The following WDR7 variants were observed in gnomAD, a reference collection of about 807,000 sequenced individuals.
WDR7 encodes WD repeat domain 7.
A neutral mutation model predicts 169.4 loss-of-function variants in WDR7; 46 were observed. The observed-to-expected ratio is 0.27, with a 90% CI of 0.21 to 0.35. The LOEUF is 0.35. Ranked by LOEUF, WDR7 falls within the 10% of genes least tolerant of loss-of-function variation. WDR7 has a pLI of 1.00. For missense variants in WDR7, 1,534 were observed against 1,859.3 expected, an observed-to-expected ratio of 0.83 and a Z score of 3.22; for synonymous variants, 612 against 666.8, an observed-to-expected ratio of 0.92 and a Z score of 1.27.
chr18:56,901,624 T>G (rs1159676519), intron 21 of WDR7, among the ~76,000 whole-genome samples: 6 of 152,172 alleles, frequency 3.9e-5, no homozygotes, highest in African/African-American at 1.4e-4. Flanking sequence ...ATCACATCTT[T>G]GATTATAATG....
At chr18:56,867,024 T>C (rs2045891867) in intron 20 of WDR7, among the ~76,000 whole-genome samples, 1 of 151,958 alleles carries the variant, frequency 6.6e-6, no homozygotes, top group South Asian at 2.1e-4. Flanking sequence ...TTTATTTATT[T>C]ATTTATTTAT....
At chr18:56,974,915 G>A (rs2047543337) in intron 26 of WDR7, among the ~76,000 whole-genome samples, 2 of 152,180 alleles carry the variant, frequency 1.3e-5, no homozygotes, top group Non-Finnish European at 1.5e-5. Flanking sequence ...ATCCTGTGGA[G>A]GGGAGAAGAA....
At chr18:56,710,177 G>C (rs908177510) in intron 12 of WDR7, among the ~76,000 whole-genome samples, 4 of 151,646 alleles carry the variant, frequency 2.6e-5, no homozygotes. Context: ...CTAATTTTTT[G>C]TATTTTTAGT....
intron 26 of WDR7, among the ~76,000 whole-genome samples, chr18:57,007,805 C>G (rs940404211): frequency 6.6e-6 from 1 of 152,114 alleles, no homozygotes; most frequent in South Asian, 2.1e-4. Context: ...TGTCTCCTGT[C>G]GTTTTATCCT....
At chr18:56,739,723 A>C (rs2043584940) in intron 14 of WDR7, among the ~76,000 whole-genome samples, 2 of 151,992 alleles carry the variant, frequency 1.3e-5, no homozygotes, top group African/African-American at 4.8e-5. Context: ...TTTGCACTGT[A>C]AAGATTTCAT....
intron 1 of WDR7, among the ~76,000 whole-genome samples, chr18:56,663,273 T>C (rs1364347953): frequency 6.6e-6 from 1 of 152,192 alleles, no homozygotes; most frequent in Non-Finnish European, 1.5e-5. Flanking sequence ...TACCATTCAG[T>C]CCATAACAAC....
intron 5 of WDR7, among the ~76,000 whole-genome samples, chr18:56,683,822 G>A (rs1004828390): frequency 6.6e-5 from 10 of 152,174 alleles, no homozygotes; most frequent in Non-Finnish European, 1.5e-4. Context: ...ACCTCTTAGG[G>A]TAGGAAAATC....
intron 20 of WDR7, among the ~76,000 whole-genome samples, chr18:56,831,958 C>T (rs1191027794): frequency 1.3e-5 from 2 of 152,098 alleles, no homozygotes; most frequent in African/African-American, 2.4e-5. Flanking sequence ...TTCTTTCATA[C>T]CCCAGTGGCA....
At chr18:56,760,403 A>T (rs960874878) in intron 16 of WDR7, among the ~76,000 whole-genome samples, 2 of 152,182 alleles carry the variant, frequency 1.3e-5, no homozygotes, top group Admixed American at 1.3e-4. Flanking sequence ...TCTATTGTTT[A>T]ATTTTGCCTA....
At chr18:56,972,281 G>C (rs1303980229) in intron 26 of WDR7, among the ~76,000 whole-genome samples, 1 of 152,118 alleles carries the variant, frequency 6.6e-6, no homozygotes, top group Non-Finnish European at 1.5e-5. Flanking sequence ...AAATAACAAA[G>C]ATTTTACTTC....
rs143815448 is a variant in WDR7, at chr18:56,659,598, A to T, written c.-20+8022A>T. Reference sequence around the variant, plus strand: ...GATGGTCAGGAAACTCTTCACTAAAAAGGTAATATTTTATAGAGATTTGAA... The same window carrying T: ...GATGGTCAGGAAACTCTTCACTAAATAGGTAATATTTTATAGAGATTTGAA... On this transcript the variant is annotated intron_variant, in intron 1 of 27. Coordinates refer to ENST00000254442, the MANE Select transcript of WDR7 (RefSeq NM_015285.3). Among the ~76,000 whole-genome samples, 487 of 152,356 alleles carry T rather than the reference A, an allele frequency of 3.2e-3. 2 individuals carry two copies. The highest frequency in any genetic ancestry group is 0.017 in the Middle Eastern group (5 of 294).
At chr18:56,844,383 A>G in intron 20 of WDR7, among the ~76,000 whole-genome samples, 1 of 152,146 alleles carries the variant, frequency 6.6e-6, no homozygotes, top group East Asian at 1.9e-4. Flanking sequence ...ATTTTTCCTC[A>G]TTGGTATACA....
At chr18:56,913,395 A>C (rs529939160) in intron 21 of WDR7, among the ~76,000 whole-genome samples, 2 of 152,272 alleles carry the variant, frequency 1.3e-5, no homozygotes, top group Non-Finnish European at 2.9e-5. Context: ...CTAATTGTTT[A>C]TGCCCAATTT....
intron 19 of WDR7, among the ~76,000 whole-genome samples, chr18:56,804,181 T>C (rs1848365993): frequency 2.0e-5 from 3 of 152,242 alleles, no homozygotes; most frequent in African/African-American, 7.2e-5. Context: ...GCAGCCTGGC[T>C]GGGTTGCCAG....
chr18:56,912,105 T>C (rs2046560992), intron 21 of WDR7, among the ~76,000 whole-genome samples: 1 of 152,080 alleles, frequency 6.6e-6, no homozygotes, highest in Non-Finnish European at 1.5e-5. Context: ...CCAGAAAGGG[T>C]GAAGATGCAT....
At chr18:56,909,068 A>G (rs1269102638) in intron 21 of WDR7, among the ~76,000 whole-genome samples, 3 of 152,138 alleles carry the variant, frequency 2.0e-5, no homozygotes, top group East Asian at 1.9e-4. Context: ...TTTTACTCCT[A>G]TCTGTTCAAG....
chr18:56,794,285 G>T lies in WDR7; in HGVS notation c.3190+12629G>T, dbSNP rs367823797. On this transcript the variant is annotated intron_variant, in intron 19 of 27. Coordinates refer to ENST00000254442, the MANE Select transcript of WDR7 (RefSeq NM_015285.3). ...TATTGCCTTATCTGTAAATGTTTGTGTCTTAAAAGGTAAAGTCTATTTTTT... is the reference window on the plus strand; with the variant it reads ...TATTGCCTTATCTGTAAATGTTTGTTTCTTAAAAGGTAAAGTCTATTTTTT... Among the ~76,000 whole-genome samples, 15 of 106,828 alleles carry T rather than the reference G, an allele frequency of 1.4e-4. No individual in the cohort carries two copies. The South Asian group carries it at 3.9e-3, about 28-fold the overall frequency. 70.1% of individuals were successfully genotyped at this position (106,828 alleles called of 152,430 possible). A position where few individuals can be genotyped will look rare whatever the true frequency, so the allele number is the denominator to read the frequency against.
Position 56,666,525 on chromosome 18 carries a change from A to G in WDR7, c.-19-5972A>G, listed in dbSNP as rs79979946. Among the ~76,000 whole-genome samples the G allele has an allele frequency of 2.8e-3, 429 of 151,814 alleles. 5 individuals carry two copies. In the East Asian group the frequency reaches 0.04, roughly 14 times the overall value. ...CCTCATCTTCATTCCTTCTAACACC[A>G]CTTAGCCCATATTCTCTTTCCTCTC... is the stretch of plus-strand genomic sequence containing the variant. On this transcript the variant is annotated intron_variant, in intron 1 of 27. Transcript: ENST00000254442.
At chr18:56,910,390 G>T (rs1383698119) in intron 21 of WDR7, among the ~76,000 whole-genome samples, 1 of 152,154 alleles carries the variant, frequency 6.6e-6, no homozygotes, top group African/African-American at 2.4e-5. Context: ...TTGATATGAA[G>T]ATTATGCAGA....
Sources: allele counts gnomAD v4.1 joint callset (sites outside exome capture counted in the v4.1 genomes callset), GRCh38; gene constraint gnomAD v4.1.1; transcripts MANE v1.5; gene names NCBI Gene and HGNC (gene_info 2026-07-23, HGNC 2026-07-21).